GREB1: variants seen among roughly 807,000 people sequenced by gnomAD.
The protein encoded by GREB1 is protein GREB1.
Under a neutral mutation model 200.7 loss-of-function variants are expected in GREB1, and 106 were observed. That is an observed-to-expected ratio of 0.53 (90% confidence interval 0.45 to 0.62). The LOEUF (loss-of-function observed/expected upper bound fraction) is 0.62, where lower values mean the gene tolerates loss of function less well. Ranked by LOEUF, GREB1 falls within the 20% of genes least tolerant of loss-of-function variation. The pLI is 0.00. For synonymous variants in GREB1, 1,132 were observed against 1,092.4 expected (o/e 1.04, Z -0.72); for missense variants, 2,243 against 2,556.8 (o/e 0.88, Z 2.65).
In GREB1 at chr2:11,541,880, T is replaced by A. The variant is rs1558517136; in HGVS notation, c.-162+7626T>A. 4.6e-5 allele frequency among the ~76,000 whole-genome samples: 7 copies of A among 152,188 alleles called. No individual in the cohort carries two copies. In the South Asian group the frequency reaches 1.5e-3, roughly 32 times the overall value. ...GTGTCTCGCCCTTGGGTCAAGCCGA[T>A]GCCTTGTATACGTTCTGCCTGGAAA... On this transcript the variant is annotated intron_variant, in intron 1 of 32. Coordinates refer to ENST00000381486, the MANE Select transcript of GREB1 (RefSeq NM_014668.4).
rs534595330 is a variant in GREB1 at position 11,633,278 on chromosome 2, T to C, written c.4991+215T>C. ...TGCTTTTAATTTTAAAAAATTGTTA[T>C]TGGGCCGGGCGCGGTGGCTCATGCC... On this transcript the variant is annotated intron_variant, in intron 28 of 32. Transcript: ENST00000381486. This position sits in a 1 kb window ranked among gnomAD's most constrained non-coding sequence, Gnocchi z 4.1. Among the ~76,000 whole-genome samples the C allele has an allele frequency of 2.6e-5, 4 of 152,230 alleles. No homozygotes were observed. In the East Asian group the frequency reaches 7.7e-4, roughly 29 times the overall value.
chr2:11,536,753 C>T (rs1351468943), intron 1 of GREB1, among the ~76,000 whole-genome samples: 1 of 151,318 alleles, frequency 6.6e-6, no homozygotes, highest in East Asian at 1.9e-4. Flanking sequence ...GCTATTTTCA[C>T]ATCAAAAGCC....
chr2:11,536,530 A>T (rs930492225), intron 1 of GREB1, among the ~76,000 whole-genome samples: 1 of 152,256 alleles, frequency 6.6e-6, no homozygotes, highest in African/African-American at 2.4e-5. Flanking sequence ...AATGCCAAAA[A>T]GTGCCAAACT....
intron 1 of GREB1, among the ~76,000 whole-genome samples, chr2:11,519,527 C>T (rs1273053165): frequency 7.2e-6 from 1 of 139,630 alleles, no homozygotes; most frequent in Admixed American, 7.8e-5. Context: ...ACGATCTCGG[C>T]TCACTGCAAC....
chr2:11,522,972 CT>C (rs1673752225), intron 1 of GREB1, among the ~76,000 whole-genome samples: 1 of 152,162 alleles, frequency 6.6e-6, no homozygotes, highest in Non-Finnish European at 1.5e-5. Context: ...TGGAATCAAC[CT>C]AGATGCCCAT....
intron 16 of GREB1, among the ~76,000 whole-genome samples, chr2:11,602,098 AG>A (rs1427143953): frequency 6.6e-6 from 1 of 152,270 alleles, no homozygotes; most frequent in Non-Finnish European, 1.5e-5. Flanking sequence ...TGTAGAAAGA[AG>A]CAAATTTAAC....
rs543820914 is a variant in GREB1 at position 11,499,350 on chromosome 2, G to C, written c.-159+16969G>C. 2.0e-5 allele frequency among the ~76,000 whole-genome samples: 3 copies of C among 152,382 alleles called. No homozygotes were observed. In the South Asian group the frequency reaches 6.2e-4, roughly 32 times the overall value. Reference sequence around the variant, plus strand: ...AGGCCGGCTGCAGCCAGTGCTACGAGAATGATCTTTTGTTTCCGCTGGTCA... The same window carrying C: ...AGGCCGGCTGCAGCCAGTGCTACGACAATGATCTTTTGTTTCCGCTGGTCA... On this transcript the variant is annotated intron_variant, in intron 1 of 2. Transcript: ENST00000628795.
chr2:11,638,281 C>T (rs1422772462), intron 31 of GREB1, among the ~76,000 whole-genome samples: 2 of 152,188 alleles, frequency 1.3e-5, no homozygotes, highest in Non-Finnish European at 2.9e-5. Context: ...GCTGGGATTA[C>T]AGGCACATGC....
chr2:11,540,908 A>G (rs1234345850), intron 1 of GREB1, among the ~76,000 whole-genome samples: 2 of 152,194 alleles, frequency 1.3e-5, no homozygotes, highest in Admixed American at 6.5e-5. Context: ...CAGGTTGAGG[A>G]CGCAGTCCGG....
At chr2:11,627,697 G>C (rs1276170123) in intron 25 of GREB1, among the ~76,000 whole-genome samples, 6 of 152,294 alleles carry the variant, frequency 3.9e-5, no homozygotes, top group Admixed American at 2.0e-4. Flanking sequence ...AATGGATAAG[G>C]CTCCTGACCC....
rs147722474 is a variant in GREB1, at chr2:11,617,049, G to A, written c.3412+329G>A. Among the ~76,000 whole-genome samples the A allele has an allele frequency of 6.6e-5, 10 of 152,328 alleles. No homozygotes were observed. The East Asian group carries it at 1.2e-3, about 18-fold the overall frequency. On this transcript the variant is annotated intron_variant, in intron 21 of 32. Coordinates refer to ENST00000381486, the MANE Select transcript of GREB1 (RefSeq NM_014668.4). Reference sequence around the variant, plus strand: ...CGGGTCCCCGGGTGTTCTCCCTGCCGTTGTTGGTTTGGGAAAACCCTGTGC... The same window carrying A: ...CGGGTCCCCGGGTGTTCTCCCTGCCATTGTTGGTTTGGGAAAACCCTGTGC...
In GREB1 at chr2:11,621,064, G is replaced by A. The variant is rs116019797; in HGVS notation, c.4147+57G>A. On this transcript the variant is annotated intron_variant, in intron 23 of 32. Coordinates refer to ENST00000381486, the MANE Select transcript of GREB1 (RefSeq NM_014668.4). ...GGAGCCACCTTCATCACTTTCTCAAGTGACTTTAATTTTATATTTCACTTT... is the reference window on the plus strand; with the variant it reads ...GGAGCCACCTTCATCACTTTCTCAAATGACTTTAATTTTATATTTCACTTT... 481 of 980,960 alleles carry A rather than the reference G, an allele frequency of 4.9e-4. 2 individuals carry two copies. In the African/African-American group the frequency reaches 7.2e-3, roughly 15 times the overall value. The allele number at this position is 980,960 out of a possible 1,614,324, so 60.8% of individuals were successfully genotyped here. A position where few individuals can be genotyped will look rare whatever the true frequency, so the allele number is the denominator to read the frequency against.
chr2:11,495,310 A>G (rs1672856499), intron 1 of GREB1, among the ~76,000 whole-genome samples: 1 of 152,188 alleles, frequency 6.6e-6, no homozygotes, highest in African/African-American at 2.4e-5. Context: ...CACATTCTAC[A>G]GATGTGTAAA....
At chr2:11,521,129 C>T (rs962035363) in intron 1 of GREB1, among the ~76,000 whole-genome samples, 8 of 151,638 alleles carry the variant, frequency 5.3e-5, no homozygotes, top group South Asian at 2.1e-4. Flanking sequence ...TTTTTTTGAG[C>T]GAGGGTCTTA....
intron 9 of GREB1, among the ~76,000 whole-genome samples, chr2:11,586,491 A>G (rs1314922057): frequency 2.6e-5 from 4 of 152,208 alleles, no homozygotes; most frequent in African/African-American, 9.6e-5. Flanking sequence ...CTCTTTGATG[A>G]AGCTGGGGAT....
At chr2:11,515,223 A>C (rs562966433) in intron 1 of GREB1, among the ~76,000 whole-genome samples, 1 of 152,162 alleles carries the variant, frequency 6.6e-6, no homozygotes, top group South Asian at 2.1e-4. Flanking sequence ...TCAGTCTTTC[A>C]GTAGGTGTTC....
chr2:11,517,230 G>A (rs763916711), intron 1 of GREB1, among the ~76,000 whole-genome samples: 1 of 152,192 alleles, frequency 6.6e-6, no homozygotes, highest in Non-Finnish European at 1.5e-5. Flanking sequence ...ACCATCCTGT[G>A]TGCCTTGTCT....
intron 1 of GREB1, among the ~76,000 whole-genome samples, chr2:11,517,844 G>A (rs1005732254): frequency 2.6e-5 from 4 of 152,026 alleles, no homozygotes; most frequent in African/African-American, 7.3e-5. Context: ...TAGTAGAGAC[G>A]GGGTTTCACC....
rs957497694 is a variant in GREB1, at chr2:11,566,633, A to G, written c.431A>G (p.Asp144Gly). 2 of 1,613,292 alleles carry G rather than the reference A, an allele frequency of 1.2e-6. No homozygotes were observed. Among genetic ancestry groups the G allele is most frequent in the African/African-American group, 1.3e-5 (1 of 74,990 alleles). ...CAVDKRFLPD[D>G]NGHNALLGFS... is the part of the protein sequence containing the mutation. ...GTTGACAAGAGGTTCTTGCCAGATG[A>G]CAATGGCCACAATGCTCTTCTTGGT... is the stretch of plus-strand genomic sequence containing the variant. Residue 144 changes from aspartate to glycine, a missense_variant, in exon 4 of 33, where the codon GAC (aspartate) becomes GGC (glycine). By Grantham distance (94) the Asp-to-Gly change is moderately conservative. Transcript: ENST00000381486.
Sources: gnomAD v4.1 joint callset for allele counts (sites outside exome capture counted in the v4.1 genomes callset) on GRCh38, gnomAD v4.1.1 for gene constraint, Gnocchi (gnomAD v3.1) non-coding constraint, MANE v1.5 for transcripts, NCBI Gene and HGNC (gene_info 2026-07-23, HGNC 2026-07-21) for gene names.